Variants in ITGA6 observed in about 807,000 individuals in gnomAD.
ITGA6 encodes integrin subunit alpha 6, also known as integrin alpha-6.
Under a neutral mutation model 133.6 loss-of-function variants are expected in ITGA6, and 63 were observed. That is an observed-to-expected ratio of 0.47 (90% CI 0.38 to 0.58). The LOEUF (loss-of-function observed/expected upper bound fraction) is 0.58, where lower values mean the gene tolerates loss of function less well. Ranked by LOEUF, ITGA6 falls within the 20% of genes least tolerant of loss-of-function variation. ITGA6 has a pLI of 0.00. For missense variants in ITGA6, 1,068 were observed against 1,309.4 expected, an observed-to-expected ratio of 0.82 and a Z score of 2.85; for synonymous variants, 434 against 482.0, an observed-to-expected ratio of 0.90 and a Z score of 1.30.
At chr2:172,437,307 C>T (rs904141503) in intron 1 of ITGA6, among the ~76,000 whole-genome samples, 9 of 152,278 alleles carry the variant, frequency 5.9e-5, no homozygotes, top group Non-Finnish European at 1.3e-4. Flanking sequence ...CTAGGAGGCT[C>T]CTGTAATAAA....
In ITGA6 at chr2:172,491,322, A is replaced by G. The variant is rs939111420; in HGVS notation, c.2880A>G (p.Thr960=). The change falls in exon 22 of 26, where the codon ACA becomes ACG. Residue 960 remains threonine (T), a synonymous_variant. Transcript: ENST00000684293. The surrounding 1 kb of genome is among the most constrained non-coding windows in gnomAD (Gnocchi z 4.4). ...LILRSRLWNS[T]FLEEYSKLNY... ...TGCGCTCGAGGTTATGGAACAGCAC[A>G]TTTCTAGAGGTATGACCTTGGCTTG... is the stretch of plus-strand genomic sequence containing the variant. 5 of 1,606,858 alleles carry G rather than the reference A, an allele frequency of 3.1e-6. No individual in the cohort carries two copies. The highest frequency in any genetic ancestry group is 1.3e-5 in the African/African-American group (1 of 74,876).
intron 2 of ITGA6, among the ~76,000 whole-genome samples, chr2:172,467,084 T>A (rs1402592341): frequency 1.3e-5 from 2 of 152,230 alleles, no homozygotes; most frequent in Non-Finnish European, 2.9e-5. Flanking sequence ...AGTACCCATT[T>A]TTTTTGTTAG....
rs368181957 is a variant in ITGA6, at chr2:172,501,776, G to T, written c.3119G>T (p.Gly1040Val). 7.4e-6 allele frequency: 12 copies of T among 1,612,174 alleles called. No homozygotes were observed. In the African/African-American group the frequency reaches 1.6e-4, roughly 22 times the overall value. The change falls in exon 25 of 26, where the codon GGT becomes GTT. Residue 1040 changes from glycine to valine, a missense_variant. Gly to Val is a moderately radical substitution (Grantham distance 109). This residue lies in a region of ITGA6 where 609 missense variants were observed against 707.2 expected (regional missense o/e 0.86). Transcript: ENST00000684293. ...ALLVFILWKC[G>V]FFKRNKKDHY... ...AAATACCTTGCTTCCTTGTAGTGTG[G>T]TTTCTTCAAGAGAAATAAGAAAGAT... is the stretch of plus-strand genomic sequence containing the variant.
Position 172,459,216 on chromosome 2 carries a change from G to A in ITGA6, c.183-6323G>A, listed in dbSNP as rs140411344. On this transcript the variant is annotated intron_variant, in intron 1 of 25. Transcript: ENST00000684293. Reference sequence around the variant, plus strand: ...GAATGCCTTGGGTAAAGTAGAGAACGTGGTGGAGCACGGTGGTTCACGCAC... The same window carrying A: ...GAATGCCTTGGGTAAAGTAGAGAACATGGTGGAGCACGGTGGTTCACGCAC... Among the ~76,000 whole-genome samples the A allele has an allele frequency of 2.7e-3, 407 of 152,314 alleles. 3 individuals are homozygous for A. The highest frequency in any genetic ancestry group is 3.4e-3 in the Non-Finnish European group (234 of 68,034).
chr2:172,433,861 A>G (rs1056007138), intron 1 of ITGA6, among the ~76,000 whole-genome samples: 1 of 152,180 alleles, frequency 6.6e-6, no homozygotes, highest in Non-Finnish European at 1.5e-5. Flanking sequence ...GTGAGGTCTC[A>G]GTGTTCAGAG....
rs1251215603 is a variant in ITGA6, at chr2:172,474,110, A to G, written c.831A>G (p.Val277=). 12 of 1,613,870 alleles carry G rather than the reference A, an allele frequency of 7.4e-6. No individual in the cohort carries two copies. The highest frequency in any genetic ancestry group is 1.3e-5 in the African/African-American group (1 of 74,906). The change falls in exon 6 of 26, where the codon GTA becomes GTG. Residue 277 remains valine, a synonymous_variant. Coordinates refer to ENST00000684293, the MANE Select transcript of ITGA6 (RefSeq NM_000210.4). The stretch of plus-strand genomic sequence containing the variant: ...TTTCTAAAGATGAGATCACTTTTGT[A>G]TCTGGTGCTCCCAGAGCCAATCACA... ...GIVSKDEITF[V]SGAPRANHSG...
At chr2:172,483,236 A>G (rs2149064099) in intron 11 of ITGA6, among the ~76,000 whole-genome samples, 1 of 152,218 alleles carries the variant, frequency 6.6e-6, no homozygotes, top group East Asian at 1.9e-4. Flanking sequence ...TGGCTGAGGG[A>G]AGGAGTGACT....
intron 1 of ITGA6, among the ~76,000 whole-genome samples, chr2:172,450,013 A>G (rs557033865): frequency 4.9e-4 from 75 of 152,144 alleles, no homozygotes; most frequent in Non-Finnish European, 8.1e-4. Flanking sequence ...ATCTGAGTCA[A>G]GAGTGTTCGG....
At position 172,487,351 on chromosome 2, in the gene ITGA6, G is replaced by A. The variant is rs1478179355; in HGVS notation, c.2058G>A (p.Arg686=). 6.2e-7 allele frequency: 1 copy of A among 1,613,992 alleles called. No individual in the cohort carries two copies. The highest frequency in any genetic ancestry group is 8.5e-7 in the Non-Finnish European group (1 of 1,179,946). The change falls in exon 15 of 26, where the codon AGG becomes AGA. Residue 686 remains arginine (R), a synonymous_variant. Coordinates refer to ENST00000684293, the MANE Select transcript of ITGA6 (RefSeq NM_000210.4). ...TGACAAACAGCCCTTCCAACCCAAG[G>A]AATCCCACAAAAGATGGCGATGACG... ...ITVTNSPSNP[R]NPTKDGDDAH...
chr2:172,495,538 C>CA lies in ITGA6; in HGVS notation c.2989-2429dup, dbSNP rs58951344. On this transcript the variant is annotated intron_variant, in intron 23 of 25. Transcript: ENST00000684293. The stretch of plus-strand genomic sequence containing the variant: ...ATGACTGTCATACCAGAAACAAAAA[C>CA]AAAAAAAACAAAAACACCTTCAGTT... The CA allele has an allele frequency of 4.4e-3, 663 of 151,642 alleles. 4 individuals are homozygous for CA. Among genetic ancestry groups the CA allele is most frequent in the Non-Finnish European group, 7.3e-3 (495 of 67,874 alleles). 9.4% of individuals were successfully genotyped at this position (151,642 alleles called of 1,614,324 possible).
intron 25 of ITGA6, 27 bp downstream of exon 25, chr2:172,501,928 T>A: frequency 6.3e-7 from 1 of 1,598,710 alleles, no homozygotes; most frequent in Non-Finnish European, 8.5e-7. Context: ...TTTTAATTGC[T>A]AGCTGTGGGA....
At position 172,476,521 on chromosome 2, in the gene ITGA6, A is replaced by T. The variant is rs16860507; in HGVS notation, c.1388+8A>T. On this transcript the variant is annotated splice_region_variant and intron_variant, in intron 9 of 25. Coordinates refer to ENST00000684293, the MANE Select transcript of ITGA6 (RefSeq NM_000210.4). ...TTCAGTAACTATTTTCAGGTCTGTT[A>T]TCTATGATTTTAGTGTTAAGCATGT... is the stretch of plus-strand genomic sequence containing the variant. 7,115 of 1,459,918 alleles carry T rather than the reference A, an allele frequency of 4.9e-3. 276 individuals carry two copies. The African/African-American group carries it at 0.086, about 18-fold the overall frequency. 90.4% of individuals were successfully genotyped at this position (1,459,918 alleles called of 1,614,324 possible).
At chr2:172,435,358 C>T (rs1684270759) in intron 1 of ITGA6, among the ~76,000 whole-genome samples, 1 of 152,084 alleles carries the variant, frequency 6.6e-6, no homozygotes, top group Non-Finnish European at 1.5e-5. Context: ...AGAAATCCTC[C>T]CTAGGCCCCA....
chr2:172,480,230 GA>G (rs1455503682), intron 11 of ITGA6, among the ~76,000 whole-genome samples, 179 bp downstream of exon 11: 6 of 152,148 alleles, frequency 3.9e-5, no homozygotes, highest in East Asian at 1.9e-4. Context: ...CGTGAGGGAG[GA>G]AAAAAACTCC....
In ITGA6 at chr2:172,465,963, T is replaced by G. The variant is rs1574362088; in HGVS notation, c.307+300T>G. The G allele has an allele frequency of 3.1e-5, 15 of 477,184 alleles. No homozygotes were observed. In the East Asian group the frequency reaches 5.8e-4, roughly 18 times the overall value. The allele number at this position is 477,184 out of a possible 1,614,324, so 29.6% of individuals were successfully genotyped here. On this transcript the variant is annotated intron_variant, in intron 2 of 25. Coordinates refer to ENST00000684293, the MANE Select transcript of ITGA6 (RefSeq NM_000210.4). The stretch of plus-strand genomic sequence containing the variant: ...GGAGGTTGTGGAAAAACTCATTTCA[T>G]AGCAATGAAGAGAATGAATGAGCGT...
intron 4 of ITGA6, 126 bp from the exon 5 acceptor site, chr2:172,470,848 C>A: frequency 2.3e-6 from 2 of 881,574 alleles, no homozygotes; most frequent in Non-Finnish European, 3.6e-6. Context: ...CTCTGTCCTT[C>A]CTTTTTTTCC....
intron 23 of ITGA6, among the ~76,000 whole-genome samples, chr2:172,492,614 C>T (rs565957046): frequency 6.6e-6 from 1 of 152,080 alleles, no homozygotes; most frequent in African/African-American, 2.4e-5. Flanking sequence ...TGTAGTGAAC[C>T]AATAGTGAGG....
At chr2:172,427,468 C>A (rs1683884968), upstream of ITGA6, 5 of 1,029,234 alleles carry the variant, frequency 4.9e-6, no homozygotes, top group East Asian at 3.4e-4. Context: ...CCAGAGCCGG[C>A]GGGTAAGGTG....
chr2:172,435,452 A>G (rs1281681706), intron 1 of ITGA6, among the ~76,000 whole-genome samples: 2 of 152,038 alleles, frequency 1.3e-5, no homozygotes, highest in African/African-American at 4.8e-5. Context: ...TATCGAAACA[A>G]TAAAAGTTGT....
Sources: allele counts gnomAD v4.1 joint callset (sites outside exome capture counted in the v4.1 genomes callset), GRCh38; gene constraint gnomAD v4.1.1; regional missense constraint gnomAD v4.1.1; non-coding constraint Gnocchi (gnomAD v3.1); transcripts MANE v1.5; gene names NCBI Gene and HGNC (gene_info 2026-07-23, HGNC 2026-07-21).